The following IL1RAPL2 variants were observed in gnomAD, a reference collection of about 807,000 sequenced individuals.
The protein encoded by IL1RAPL2 is X-linked interleukin-1 receptor accessory protein-like 2.
Under a neutral mutation model 44.1 loss-of-function variants are expected in IL1RAPL2, and 3 were observed. The observed-to-expected ratio is 0.07, with a 90% confidence interval of 0.03 to 0.18. The LOEUF (loss-of-function observed/expected upper bound fraction) is 0.18, where lower values mean the gene tolerates loss of function less well. Ranked by LOEUF, IL1RAPL2 falls within the 10% of genes least tolerant of loss-of-function variation. The pLI, the probability that IL1RAPL2 is intolerant of heterozygous loss-of-function variation, is 1.00. For synonymous variants in IL1RAPL2, 181 were observed against 178.8 expected, an observed-to-expected ratio of 1.01 and a Z score of -0.10; for missense variants, 391 against 496.4, an observed-to-expected ratio of 0.79 and a Z score of 2.02.
At chrX:104,818,573 AG>A (rs1276304920) in intron 2 of IL1RAPL2, among the ~76,000 whole-genome samples, 3 of 110,291 alleles carry the variant, frequency 2.7e-5, no homozygotes, top group Non-Finnish European at 5.7e-5. Context: ...TATGGAAAGA[AG>A]GTAGGAAGGA....
chrX:105,484,607 T>A (rs1022014897), intron 6 of IL1RAPL2, among the ~76,000 whole-genome samples: 1 of 112,189 alleles, frequency 8.9e-6, no homozygotes, highest in African/African-American at 3.2e-5. Context: ...CACTGGGTAT[T>A]AAGTGTGCTG....
intron 1 of IL1RAPL2, among the ~76,000 whole-genome samples, chrX:104,630,267 C>G (rs1163047003): frequency 9.1e-6 from 1 of 110,131 alleles, no homozygotes; most frequent in Admixed American, 9.7e-5. Context: ...CCTGCCTCAG[C>G]CCCCTGAGTA....
At chrX:104,846,870 C>T (rs1056875991) in intron 2 of IL1RAPL2, among the ~76,000 whole-genome samples, 48 of 111,661 alleles carry the variant, frequency 4.3e-4, no homozygotes, top group Non-Finnish European at 6.6e-4. Flanking sequence ...TGTTTCCTGA[C>T]TTTTTAATAG....
intron 5 of IL1RAPL2, among the ~76,000 whole-genome samples, chrX:105,435,457 G>A (rs1195181739): frequency 1.8e-5 from 2 of 111,742 alleles, no homozygotes; most frequent in African/African-American, 6.5e-5. Context: ...AAGTAAATTA[G>A]TTCAGCCATT....
chrX:105,599,256 G>A (rs2037233620), intron 6 of IL1RAPL2, among the ~76,000 whole-genome samples: 1 of 112,230 alleles, frequency 8.9e-6, no homozygotes, highest in Admixed American at 9.4e-5. Flanking sequence ...CTAATAGGGT[G>A]TGAAGCACAG....
chrX:105,448,222 T>C (rs990729369), intron 5 of IL1RAPL2, among the ~76,000 whole-genome samples: 3 of 109,529 alleles, frequency 2.7e-5, no homozygotes, highest in Non-Finnish European at 5.7e-5. Flanking sequence ...TAGACATCTT[T>C]GGGTTAAGTG....
chrX:105,073,266 T>A (rs1602936150), intron 2 of IL1RAPL2, among the ~76,000 whole-genome samples: 1 of 90,912 alleles, frequency 1.1e-5, no homozygotes, highest in African/African-American at 4.1e-5. Flanking sequence ...CATTGTTCAA[T>A]TCCCGCCTAT....
chrX:104,681,322 T>C lies in IL1RAPL2; in HGVS notation c.82+22327T>C, dbSNP rs187983560. 1.2e-4 allele frequency among the ~76,000 whole-genome samples: 13 copies of C among 112,431 alleles called. No homozygotes were observed. In the East Asian group the frequency reaches 3.1e-3, roughly 27 times the overall value. ...CAGCATGTTATTAAAACGAAGTTCA[T>C]AACACATTAGTAATTTTATTGGAGA... On this transcript the variant is annotated intron_variant, in intron 2 of 10. Coordinates refer to ENST00000372582, the MANE Select transcript of IL1RAPL2 (RefSeq NM_017416.2).
At chrX:104,848,283 T>C (rs1922112254) in intron 2 of IL1RAPL2, among the ~76,000 whole-genome samples, 1 of 108,413 alleles carries the variant, frequency 9.2e-6, no homozygotes, top group South Asian at 4.0e-4. Context: ...GTTAAGACCG[T>C]CACAGACATT....
At chrX:104,796,405 G>C (rs756974235) in intron 2 of IL1RAPL2, among the ~76,000 whole-genome samples, 2 of 112,154 alleles carry the variant, frequency 1.8e-5, no homozygotes, top group Non-Finnish European at 3.8e-5. Context: ...TGAGGAAAAA[G>C]TAGGTAATAA....
At chrX:104,737,292 G>A (rs770820944) in intron 2 of IL1RAPL2, among the ~76,000 whole-genome samples, 2 of 112,444 alleles carry the variant, frequency 1.8e-5, no homozygotes, top group Non-Finnish European at 3.8e-5. Flanking sequence ...TTTACTTGAG[G>A]TGTGCCACAA....
intron 2 of IL1RAPL2, among the ~76,000 whole-genome samples, chrX:105,075,852 G>A (rs1317213493): frequency 8.9e-6 from 1 of 111,879 alleles, no homozygotes; most frequent in Non-Finnish European, 1.9e-5. Context: ...GGTATTCTCT[G>A]ATGGTAGTTT....
chrX:105,107,450 C>T (rs952305405), intron 2 of IL1RAPL2, among the ~76,000 whole-genome samples: 1 of 112,102 alleles, frequency 8.9e-6, no homozygotes, highest in Non-Finnish European at 1.9e-5. Flanking sequence ...AGTTATTCAG[C>T]CTTTCATTTT....
At chrX:105,132,169 A>G (rs979283013) in intron 2 of IL1RAPL2, among the ~76,000 whole-genome samples, 1 of 110,589 alleles carries the variant, frequency 9.0e-6, no homozygotes, top group African/African-American at 3.3e-5. Context: ...CAAGAAAAAA[A>G]AAAAAGAAAA....
chrX:105,397,889 T>C (rs189102381), intron 5 of IL1RAPL2, among the ~76,000 whole-genome samples: 52 of 110,923 alleles, frequency 4.7e-4, no homozygotes, highest in African/African-American at 8.8e-4. Context: ...TCTTTTTTTT[T>C]CCCCAATTTT....
chrX:105,740,825 T>C lies in IL1RAPL2; in HGVS notation c.1048+134T>C, dbSNP rs144264983. Reference sequence around the variant, plus strand: ...CATTTTGTCTTTTCAAGGAAAGATATTTCTCTTGCTCTGCATATTAGCATA... The same window carrying C: ...CATTTTGTCTTTTCAAGGAAAGATACTTCTCTTGCTCTGCATATTAGCATA... On this transcript the variant is annotated intron_variant, in intron 8 of 10. Coordinates refer to ENST00000372582, the MANE Select transcript of IL1RAPL2 (RefSeq NM_017416.2). 3,423 of 548,119 alleles carry C rather than the reference T, an allele frequency of 6.2e-3. 11 individuals are homozygous for C. Among genetic ancestry groups the C allele is most frequent in the Non-Finnish European group, 7.8e-3 (2,755 of 352,823 alleles). The allele number at this position is 548,119 out of a possible 1,213,427, so 45.2% of individuals were successfully genotyped here.
At chrX:104,736,364 C>T (rs866491781) in intron 2 of IL1RAPL2, among the ~76,000 whole-genome samples, 6 of 112,040 alleles carry the variant, frequency 5.4e-5, no homozygotes, top group African/African-American at 9.7e-5. Context: ...ATGATAGATG[C>T]TCAATAAACA....
At chrX:104,885,809 A>T (rs773179853) in intron 2 of IL1RAPL2, among the ~76,000 whole-genome samples, 1 of 112,653 alleles carries the variant, frequency 8.9e-6, no homozygotes, top group South Asian at 3.7e-4. Flanking sequence ...TTTAAAAAAG[A>T]TTGTCCAATG....
intron 6 of IL1RAPL2, among the ~76,000 whole-genome samples, chrX:105,672,296 T>C (rs1018528508): frequency 3.6e-5 from 4 of 112,241 alleles, no homozygotes; most frequent in Non-Finnish European, 7.5e-5. Context: ...CTAATACTGC[T>C]CCATCAGGGA....
Sources: allele counts gnomAD v4.1 joint callset (sites outside exome capture counted in the v4.1 genomes callset), GRCh38; gene constraint gnomAD v4.1.1; transcripts MANE v1.5; gene names NCBI Gene and HGNC (gene_info 2026-07-23, HGNC 2026-07-21).